KCNH7: variants seen among roughly 807,000 people sequenced by gnomAD.
The protein encoded by KCNH7 is potassium voltage-gated channel subfamily H member 7.
In KCNH7, 49 loss-of-function variants were observed where a neutral mutation model predicts 120.8. The ratio of observed to expected loss-of-function variants is 0.41; its 90% CI spans 0.32 to 0.51. The LOEUF (loss-of-function observed/expected upper bound fraction) is 0.51, where lower values mean the gene tolerates loss of function less well. KCNH7 is among the 20% of genes least tolerant of loss of function. The pLI is 0.38. For missense variants in KCNH7, 1,097 were observed against 1,446.6 expected (o/e 0.76, Z 3.92); for synonymous variants, 547 against 516.1 (o/e 1.06, Z -0.81).
chr2:162,691,050 G>A (rs1004109829), intron 2 of KCNH7, among the ~76,000 whole-genome samples: 1 of 152,030 alleles, frequency 6.6e-6, no homozygotes. Context: ...TGAATGATAG[G>A]GACTGACTAC....
intron 2 of KCNH7, among the ~76,000 whole-genome samples, chr2:162,599,048 G>A (rs1694467421): frequency 6.6e-6 from 1 of 151,920 alleles, no homozygotes; most frequent in Non-Finnish European, 1.5e-5. Flanking sequence ...TTGAGGTCAG[G>A]AGTTCAAGAC....
chr2:162,650,995 A>C (rs1329598877), intron 2 of KCNH7, among the ~76,000 whole-genome samples: 2 of 152,120 alleles, frequency 1.3e-5, no homozygotes, highest in Non-Finnish European at 2.9e-5. Flanking sequence ...AAACATGAAT[A>C]ATTACTTATT....
intron 9 of KCNH7, among the ~76,000 whole-genome samples, chr2:162,413,954 G>A (rs1687468822): frequency 1.3e-5 from 2 of 151,776 alleles, no homozygotes; most frequent in East Asian, 1.9e-4. Context: ...AAAATGCTAC[G>A]AATGGGCAAT....
chr2:162,412,336 C>G (rs866446365), intron 9 of KCNH7, among the ~76,000 whole-genome samples: 1 of 151,972 alleles, frequency 6.6e-6, no homozygotes, highest in South Asian at 2.1e-4. Context: ...ACCAGTGATT[C>G]TCAACTTTGT....
intron 6 of KCNH7, among the ~76,000 whole-genome samples, chr2:162,450,265 T>C (rs986965483): frequency 6.6e-6 from 1 of 152,068 alleles, no homozygotes; most frequent in African/African-American, 2.4e-5. Flanking sequence ...CATTATCTCT[T>C]AGTACTGGGA....
rs1046334397 is a variant in KCNH7 at position 162,796,778 on chromosome 2, G to A, written c.307+39759C>T. The A allele has an allele frequency of 3.3e-5, 5 of 151,890 alleles. No homozygotes were observed. The South Asian group carries it at 8.3e-4, about 25-fold the overall frequency. The allele number at this position is 151,890 out of a possible 1,614,324, so 9.4% of individuals were successfully genotyped here. On this transcript the variant is annotated intron_variant, in intron 2 of 15. Coordinates refer to ENST00000332142, the MANE Select transcript of KCNH7 (RefSeq NM_033272.4). ...GAAATGTAGCTACAATAAAATAGGT[G>A]GCATTCATATTTGTTTGTTGGCCAT...
intron 5 of KCNH7, among the ~76,000 whole-genome samples, chr2:162,508,608 T>G (rs1390102367): frequency 1.3e-5 from 2 of 151,404 alleles, no homozygotes; most frequent in Non-Finnish European, 3.0e-5. Context: ...TGAAAAAAAT[T>G]TCAACATTTT....
intron 2 of KCNH7, among the ~76,000 whole-genome samples, chr2:162,709,669 A>G (rs766957153): frequency 6.6e-6 from 1 of 152,120 alleles, no homozygotes; most frequent in Non-Finnish European, 1.5e-5. Context: ...ACTTTTCCCA[A>G]TAACCCAAGG....
intron 3 of KCNH7, among the ~76,000 whole-genome samples, chr2:162,522,120 T>C (rs554827397): frequency 1.1e-4 from 17 of 152,032 alleles, no homozygotes; most frequent in South Asian, 1.0e-3. Flanking sequence ...ATATCTCTAC[T>C]AATAACTTTT....
intron 2 of KCNH7, among the ~76,000 whole-genome samples, chr2:162,567,580 T>C (rs999847400): frequency 2.6e-5 from 4 of 152,006 alleles, no homozygotes; most frequent in African/African-American, 9.7e-5. Flanking sequence ...TAAAAGCATA[T>C]ACCTTATATG....
At chr2:162,449,787 A>C (rs969755171) in intron 6 of KCNH7, among the ~76,000 whole-genome samples, 1 of 152,102 alleles carries the variant, frequency 6.6e-6, no homozygotes. Context: ...AGAATTGTGC[A>C]AAAATAAACT....
intron 2 of KCNH7, among the ~76,000 whole-genome samples, chr2:162,748,757 A>T (rs1196968808): frequency 6.6e-6 from 1 of 152,062 alleles, no homozygotes; most frequent in Non-Finnish European, 1.5e-5. Flanking sequence ...AACAAAGGAG[A>T]TATGAAACTA....
At chr2:162,559,248 G>T (rs1407118417) in intron 2 of KCNH7, among the ~76,000 whole-genome samples, 3 of 151,946 alleles carry the variant, frequency 2.0e-5, no homozygotes, top group Non-Finnish European at 4.4e-5. Context: ...AGGCCAGAGA[G>T]TTTGAGAAAC....
At chr2:162,464,467 A>T (rs1476652922) in intron 6 of KCNH7, among the ~76,000 whole-genome samples, 2 of 151,988 alleles carry the variant, frequency 1.3e-5, no homozygotes, top group Non-Finnish European at 2.9e-5. Context: ...AACAAATAGA[A>T]ATCAAGCTAG....
Position 162,608,494 on chromosome 2 carries a change from G to C in KCNH7, c.308-71414C>G, listed in dbSNP as rs1416207891. 5.9e-5 allele frequency among the ~76,000 whole-genome samples: 9 copies of C among 152,170 alleles called. No homozygotes were observed. In the East Asian group the frequency reaches 1.7e-3, roughly 29 times the overall value. On this transcript the variant is annotated intron_variant, in intron 2 of 15. Transcript: ENST00000332142. ...ATTTCCTCTCCCTTCTGGTGGGCAAGTGGGGATCACTTTGTGGAGTTATCA... is the reference window on the plus strand; with the variant it reads ...ATTTCCTCTCCCTTCTGGTGGGCAACTGGGGATCACTTTGTGGAGTTATCA...
intron 2 of KCNH7, among the ~76,000 whole-genome samples, chr2:162,770,595 G>A (rs1683009781): frequency 6.6e-6 from 1 of 152,006 alleles, no homozygotes; most frequent in Non-Finnish European, 1.5e-5. Flanking sequence ...TAAGATGGCA[G>A]AAATTCATCC....
chr2:162,758,659 C>CAT (rs1206952106), intron 2 of KCNH7, among the ~76,000 whole-genome samples: 1 of 151,954 alleles, frequency 6.6e-6, no homozygotes, highest in Non-Finnish European at 1.5e-5. Context: ...TAGAAACCAG[C>CAT]ATATAATCGA....
intron 8 of KCNH7, among the ~76,000 whole-genome samples, chr2:162,428,857 T>C (rs895448212): frequency 6.6e-6 from 1 of 152,036 alleles, no homozygotes; most frequent in South Asian, 2.1e-4. Context: ...AGGATTTGTA[T>C]GAACATTCTT....
At chr2:162,618,665 A>C (rs561748631) in intron 2 of KCNH7, among the ~76,000 whole-genome samples, 3 of 152,280 alleles carry the variant, frequency 2.0e-5, no homozygotes, top group Non-Finnish European at 4.4e-5. Context: ...GATCTCTACA[A>C]ATTTATGTTT....
Sources: gnomAD v4.1 joint callset for allele counts (sites outside exome capture counted in the v4.1 genomes callset) on GRCh38, gnomAD v4.1.1 for gene constraint, MANE v1.5 for transcripts, NCBI Gene and HGNC (gene_info 2026-07-23, HGNC 2026-07-21) for gene names.